CYP2A7: variants seen among roughly 807,000 people sequenced by gnomAD.
CYP2A7 encodes cytochrome P450 family 2 subfamily A member 7.
A neutral mutation model predicts 42.0 loss-of-function variants in CYP2A7; 36 were observed. The observed-to-expected ratio is 0.86, with a 90% CI of 0.66 to 1.13. The LOEUF (loss-of-function observed/expected upper bound fraction) is 1.13. CYP2A7 is among the 50% of genes most tolerant of loss of function. The pLI is 0.00. For missense variants in CYP2A7, 661 were observed against 634.1 expected (o/e 1.04, Z -0.46); for synonymous variants, 260 against 249.5 (o/e 1.04, Z -0.40).
rs777761943 is a variant in CYP2A7, at chr19:40,880,551, C to T, written c.421G>A (p.Gly141Ser). 4 of 1,611,602 alleles carry T rather than the reference C, an allele frequency of 2.5e-6. No individual in the cohort carries two copies. The highest frequency in any genetic ancestry group is 1.3e-5 in the African/African-American group (1 of 74,626). ...AIATLRDFGV[G>S]KRGIEERIQE... ...ATGCGCTCCTCGATGCCTCGCTTGC[C>T]CACCCCGAAGTCCCTCAGGGTGGCG... Residue 141 changes from glycine to serine, a missense_variant, in exon 3 of 9, where the codon GGC becomes AGC. Transcript: ENST00000301146.
rs777364065 is a variant in CYP2A7 at position 40,878,829 on chromosome 19, G to A, written c.762C>T (p.His254=). The A allele has an allele frequency of 3.7e-6, 6 of 1,612,356 alleles. No individual in the cohort carries two copies. Among genetic ancestry groups the A allele is most frequent in the Admixed American group, 1.7e-5 (1 of 59,908 alleles). Residue 254 remains histidine, a synonymous_variant, in exon 5 of 9, where the codon CAC becomes CAT. Transcript: ENST00000301146. ...AATTGGGATCCAGCGTGCGCTGGTT[G>A]TGCTCCACCTTCTTGGCTATGAAGT... The part of the protein sequence containing the change: ...LEDFIAKKVE[H]NQRTLDPNSP...
Position 40,880,231 on chromosome 19 carries a change from A to C in CYP2A7, c.507T>G (p.Asp169Glu), listed in dbSNP as rs4142867. The C allele has an allele frequency of 0.51, 828,638 of 1,611,570 alleles. 223,087 individuals are homozygous for C. Among genetic ancestry groups the C allele is most frequent in the Admixed American group, 0.67 (39,955 of 59,780 alleles). The change falls in exon 4 of 9, where the codon GAT becomes GAG. Residue 169 changes from aspartate to glutamate, a missense_variant. By Grantham distance (45) the Asp-to-Glu change is conservative. Transcript: ENST00000301146. ...CTGTGCGGCTCAGGAAGAAGGTGGG[A>C]TCGATATTGGCGCCTGCGGGTGTGG... ...AIRSTHGANI[D>E]PTFFLSRTVS...
rs757897810 is a variant in CYP2A7 at position 40,881,763 on chromosome 19, G to A, written c.181-12C>T. On this transcript the variant is annotated splice_polypyrimidine_tract_variant and intron_variant, in intron 1 of 8. Transcript: ENST00000301146. ...TAGCACTCACTGAACTGATGGAGGC[G>A]AGTGGGAGTGGTTAGAGGGAGCAGC... The A allele has an allele frequency of 2.8e-5, 44 of 1,594,890 alleles. No homozygotes were observed. Among genetic ancestry groups the A allele is most frequent in the Middle Eastern group, 1.8e-4 (1 of 5,710 alleles).
rs147586806 is a variant in CYP2A7 at position 40,877,974 on chromosome 19, G to A, written c.851C>T (p.Thr284Met). The change falls in exon 6 of 9, where the codon ACG (threonine) becomes ATG (methionine). Residue 284 changes from threonine (T) to methionine (M), a missense_variant. Coordinates refer to ENST00000301146, the MANE Select transcript of CYP2A7 (RefSeq NM_000764.3). ...HMQEEEKNPN[T>M]EFYLKNLMMS... ...CATCAGGTTCTTCAAGTAGAACTCCGTGTTGGGGTTCTTCTCCTCCTGCAG... is the reference window on the plus strand; with the variant it reads ...CATCAGGTTCTTCAAGTAGAACTCCATGTTGGGGTTCTTCTCCTCCTGCAG... The A allele has an allele frequency of 1.7e-5, 27 of 1,611,726 alleles. 1 individual carries two copies. Among genetic ancestry groups the A allele is most frequent in the East Asian group, 4.5e-5 (2 of 44,880 alleles).
At chr19:40,881,925 T>C in intron 1 of CYP2A7, 106 bp downstream of exon 1, 2 of 1,510,554 alleles carry the variant, frequency 1.3e-6, no homozygotes, top group Non-Finnish European at 1.8e-6. Context: ...ACTCCAAAAC[T>C]CCCTTTCCTA....
rs1186501454 is a variant in CYP2A7, at chr19:40,880,631, G to A, written c.344-3C>T. The A allele has an allele frequency of 1.9e-6, 3 of 1,587,324 alleles. 1 individual carries two copies. Among genetic ancestry groups the A allele is most frequent in the Non-Finnish European group, 2.6e-6 (3 of 1,164,066 alleles). On this transcript the variant is annotated splice_region_variant and splice_polypyrimidine_tract_variant and intron_variant, in intron 2 of 8. Coordinates refer to ENST00000301146, the MANE Select transcript of CYP2A7 (RefSeq NM_000764.3). The stretch of plus-strand genomic sequence containing the variant: ...CTCCCCGTTGCTGAACGCCACGCCT[G>A]GGGAGGTCAAGGCGGGGGTGGAGAG...
In CYP2A7 at chr19:40,875,739, A is replaced by C. The variant is rs777480196; in HGVS notation, c.1439T>G (p.Phe480Cys). 1 of 1,609,174 alleles carries C rather than the reference A, an allele frequency of 6.2e-7. No homozygotes were observed. ...GGTGTAGTTTCGTGGGATCGTGGCA[A>C]AGACCACGTGTTTGGGGGACACGTC... ...DIDVSPKHVV[F>C]ATIPRNYTMS... is the part of the protein sequence containing the mutation. The change falls in exon 9 of 9, where the codon TTT (phenylalanine) becomes TGT (cysteine). Residue 480 changes from phenylalanine to cysteine, a missense_variant. This residue lies in a region of CYP2A7 where 25 missense variants were observed against 62.4 expected (regional missense o/e 0.40). Transcript: ENST00000301146.
At chr19:40,881,895 G>C (rs1362408263) in intron 1 of CYP2A7, 136 bp downstream of exon 1, 1 of 1,503,300 alleles carries the variant, frequency 6.7e-7, no homozygotes, top group East Asian at 2.4e-5. Flanking sequence ...GTCTTTCCTG[G>C]CTAGGACCCG....
chr19:40,876,555 C>G lies in CYP2A7; in HGVS notation c.1275G>C (p.Lys425Asn). ...TGGAAAAGGGCACAAAAGCATCACT[C>G]TTCTTAAACTGCCCCTTGTCATCCA... ...HFLDDKGQFK[K>N]SDAFVPFSIG... The change falls in exon 8 of 9, where the codon AAG becomes AAC. Residue 425 changes from lysine (K) to asparagine (N), a missense_variant. Around this residue, in one of 3 missense-constraint regions of CYP2A7, gnomAD observed 614 missense variants for 552.4 expected, o/e 1.11. Coordinates refer to ENST00000301146, the MANE Select transcript of CYP2A7 (RefSeq NM_000764.3). 4 of 1,613,036 alleles carry G rather than the reference C, an allele frequency of 2.5e-6. No individual in the cohort carries two copies. The highest frequency in any genetic ancestry group is 3.4e-6 in the Non-Finnish European group (4 of 1,179,298).
chr19:40,879,994 G>A (rs1414530377), intron 4 of CYP2A7, 90 bp downstream of exon 4: 16 of 1,570,676 alleles, frequency 1.0e-5, no homozygotes, highest in Non-Finnish European at 1.1e-5. Context: ...TGTCTGGAGC[G>A]GGGTGGGAGT....
chr19:40,880,253 G>A lies in CYP2A7; in HGVS notation c.494-9C>T, dbSNP rs1202766579. On this transcript the variant is annotated splice_polypyrimidine_tract_variant and intron_variant, in intron 3 of 8. Coordinates refer to ENST00000301146, the MANE Select transcript of CYP2A7 (RefSeq NM_000764.3). ...GGGATCGATATTGGCGCCTGCGGGTGTGGAGGGAGAAGGGGGTTGGGGAGA... is the reference window on the plus strand; with the variant it reads ...GGGATCGATATTGGCGCCTGCGGGTATGGAGGGAGAAGGGGGTTGGGGAGA... 33 of 1,612,614 alleles carry A rather than the reference G, an allele frequency of 2.0e-5. No individual in the cohort carries two copies. The highest frequency in any genetic ancestry group is 2.0e-4 in the South Asian group (18 of 90,968).
In CYP2A7 at chr19:40,879,559, G is replaced by A. The variant is rs759201025; in HGVS notation, c.654+525C>T. On this transcript the variant is annotated intron_variant, in intron 4 of 8. Coordinates refer to ENST00000301146, the MANE Select transcript of CYP2A7 (RefSeq NM_000764.3). ...CAGGGAACAATCTGTCTAGATATTT[G>A]TGTGTTTAAGGTGTTGGTTAGGGCA... is the stretch of plus-strand genomic sequence containing the variant. Among the ~76,000 whole-genome samples, 51 of 151,788 alleles carry A rather than the reference G, an allele frequency of 3.4e-4. 1 individual carries two copies. Among genetic ancestry groups the A allele is most frequent in the African/African-American group, 7.0e-4 (29 of 41,494 alleles).
chr19:40,876,712 G>A lies in CYP2A7; in HGVS notation c.1162-44C>T, dbSNP rs1039236111. On this transcript the variant is annotated intron_variant, in intron 7 of 8. Transcript: ENST00000301146. ...TTGTGTGTGATGAGGAGGGTCGGGG[G>A]ATTGGTGAAAGTACACAGGGGCTGG... 18 of 1,581,614 alleles carry A rather than the reference G, an allele frequency of 1.1e-5. No individual in the cohort carries two copies. The Admixed American group carries it at 2.6e-4, about 23-fold the overall frequency.
At chr19:40,879,442 G>A (rs947902637) in intron 4 of CYP2A7, among the ~76,000 whole-genome samples, 1 of 151,776 alleles carries the variant, frequency 6.6e-6, no homozygotes, top group East Asian at 1.9e-4. Context: ...GGGGATACCT[G>A]TTGAGGTGTT....
At chr19:40,876,727 A>G (rs1967541631) in intron 7 of CYP2A7, 59 bp from the exon 8 acceptor site, 1 of 1,568,786 alleles carries the variant, frequency 6.4e-7, no homozygotes. Flanking sequence ...GTGAAAGTAC[A>G]CAGGGGCTGG....
At chr19:40,880,457 G>A in intron 3 of CYP2A7, 22 bp downstream of exon 3, 2 of 1,606,952 alleles carry the variant, frequency 1.2e-6, no homozygotes, top group Non-Finnish European at 8.5e-7. Context: ...TCCTGCCCCC[G>A]CACTCGGGGA....
chr19:40,875,798 G>A lies in CYP2A7; in HGVS notation c.1380C>T (p.Phe460=), dbSNP rs201022572. 61 of 1,601,290 alleles carry A rather than the reference G, an allele frequency of 3.8e-5. No homozygotes were observed. The East Asian group carries it at 1.2e-3, about 31-fold the overall frequency. Reference sequence around the variant, plus strand: ...TAGGTGACTGGGAGGACTTGAGGCGGAAGTTCTGCATGACGGTGGTGAAGA... The same window carrying A: ...TAGGTGACTGGGAGGACTTGAGGCGAAAGTTCTGCATGACGGTGGTGAAGA... The part of the protein sequence containing the change: ...FLFFTTVMQN[F]RLKSSQSPKD... The change falls in exon 9 of 9, where the codon TTC becomes TTT. Residue 460 remains phenylalanine, a synonymous_variant. Coordinates refer to ENST00000301146, the MANE Select transcript of CYP2A7 (RefSeq NM_000764.3).
intron 2 of CYP2A7, among the ~76,000 whole-genome samples, chr19:40,881,382 G>A: frequency 6.6e-6 from 1 of 151,616 alleles, no homozygotes; most frequent in Non-Finnish European, 1.5e-5. Flanking sequence ...GTGGGGCAGA[G>A]AGAGGCAGGG....
chr19:40,875,709 C>G lies in CYP2A7; in HGVS notation c.1469G>C (p.Ser490Thr). The G allele has an allele frequency of 1.9e-6, 3 of 1,609,590 alleles. No individual in the cohort carries two copies. Among genetic ancestry groups the G allele is most frequent in the Non-Finnish European group, 2.5e-6 (3 of 1,177,208 alleles). Residue 490 changes from serine (S) to threonine (T), a missense_variant, in exon 9 of 9, where the codon AGC (serine) becomes ACC (threonine). By Grantham distance (58) the Ser-to-Thr change is moderately conservative. Transcript: ENST00000301146. Reference sequence around the variant, plus strand: ...AGCCCTCGCTCAGCGGGGCAGGAAGCTCATGGTGTAGTTTCGTGGGATCGT... The same window carrying G: ...AGCCCTCGCTCAGCGGGGCAGGAAGGTCATGGTGTAGTTTCGTGGGATCGT... ...FATIPRNYTM[S>T]FLPR
Sources: gnomAD v4.1 joint callset for allele counts (sites outside exome capture counted in the v4.1 genomes callset) on GRCh38, gnomAD v4.1.1 for gene constraint, gnomAD v4.1.1 regional missense constraint, MANE v1.5 for transcripts, NCBI Gene and HGNC (gene_info 2026-07-23, HGNC 2026-07-21) for gene names.